SEZ6L: variants seen among roughly 807,000 people sequenced by gnomAD.
The protein encoded by SEZ6L is seizure 6-like protein.
Under a neutral mutation model 106.2 loss-of-function variants are expected in SEZ6L, and 37 were observed. The observed-to-expected ratio is 0.35, with a 90% CI of 0.27 to 0.46. The LOEUF (loss-of-function observed/expected upper bound fraction) is 0.46. Ranked by LOEUF, SEZ6L falls within the 20% of genes least tolerant of loss-of-function variation. The probability of loss-of-function intolerance (pLI) is 1.00; values close to 1 mark genes in which losing one functional copy is unlikely to be tolerated. For missense variants in SEZ6L, 1,172 were observed against 1,332.8 expected (o/e 0.88, Z 1.88); for synonymous variants, 541 against 570.4 (o/e 0.95, Z 0.73).
rs930406520 is a variant in SEZ6L at position 26,293,287 on chromosome 22, G to T, written c.835+141G>T. On this transcript the variant is annotated intron_variant, in intron 2 of 16. Transcript: ENST00000248933. Reference sequence around the variant, plus strand: ...CCATTGAGCACTGACTATGAGCTTCGCCCTGTGGCTCAGAATTAATAGCCT... The same window carrying T: ...CCATTGAGCACTGACTATGAGCTTCTCCCTGTGGCTCAGAATTAATAGCCT... The T allele has an allele frequency of 8.1e-6, 10 of 1,238,560 alleles. No homozygotes were observed. In the Admixed American group the frequency reaches 1.3e-4, roughly 16 times the overall value. 76.7% of individuals were successfully genotyped at this position (1,238,560 alleles called of 1,614,324 possible).
intron 13 of SEZ6L, among the ~76,000 whole-genome samples, chr22:26,370,339 C>A (rs1298195630): frequency 6.6e-6 from 1 of 151,816 alleles, no homozygotes; most frequent in East Asian, 1.9e-4. Flanking sequence ...GAGCTGAGAT[C>A]GAGCCACTGC....
chr22:26,252,030 G>A (rs572987761), intron 1 of SEZ6L, among the ~76,000 whole-genome samples: 3 of 152,204 alleles, frequency 2.0e-5, no homozygotes, highest in South Asian at 4.2e-4. Context: ...CAGGAGCAGC[G>A]GCGGCAGCAG....
chr22:26,336,810 T>C (rs1057132745), intron 9 of SEZ6L, among the ~76,000 whole-genome samples: 1 of 152,156 alleles, frequency 6.6e-6, no homozygotes, highest in Non-Finnish European at 1.5e-5. Context: ...AGGAAAAATA[T>C]GTTTCCAGAC....
chr22:26,240,177 T>C (rs1477050955), intron 1 of SEZ6L, among the ~76,000 whole-genome samples: 4 of 151,872 alleles, frequency 2.6e-5, no homozygotes, highest in Non-Finnish European at 4.4e-5. Flanking sequence ...ATACATCTGG[T>C]AGACCCCCAC....
intron 9 of SEZ6L, among the ~76,000 whole-genome samples, chr22:26,316,504 T>C (rs1311832850): frequency 1.3e-5 from 2 of 151,478 alleles, no homozygotes; most frequent in Admixed American, 6.6e-5. Context: ...TATAATAGCA[T>C]GAAAGAGAAG....
chr22:26,170,524 G>A (rs954837975), intron 1 of SEZ6L, among the ~76,000 whole-genome samples: 2 of 152,116 alleles, frequency 1.3e-5, no homozygotes, highest in African/African-American at 4.8e-5. Context: ...GTTTGTTGAA[G>A]GGGAAGAGGG....
intron 2 of SEZ6L, among the ~76,000 whole-genome samples, chr22:26,293,833 C>T (rs925259044): frequency 5.3e-5 from 8 of 152,236 alleles, no homozygotes; most frequent in African/African-American, 1.9e-4. Flanking sequence ...AAATGCTCTT[C>T]TGTGTTCCAG....
chr22:26,208,018 TC>T (rs1196992108), intron 1 of SEZ6L, among the ~76,000 whole-genome samples: 2 of 151,804 alleles, frequency 1.3e-5, no homozygotes, highest in Admixed American at 6.6e-5. Flanking sequence ...CACGCCATTC[TC>T]CTGCCTCAGC....
At chr22:26,184,222 C>G (rs1347393708) in intron 1 of SEZ6L, among the ~76,000 whole-genome samples, 1 of 152,128 alleles carries the variant, frequency 6.6e-6, no homozygotes, top group Non-Finnish European at 1.5e-5. Flanking sequence ...GGTGTCTTTG[C>G]TATGATTGAA....
intron 11 of SEZ6L, among the ~76,000 whole-genome samples, chr22:26,348,648 A>AAAGAAAG (rs1569473651): frequency 1.6e-4 from 3 of 18,594 alleles, no homozygotes; most frequent in African/African-American, 4.8e-4. Context: ...AAGAAAGAAA[A>AAAGAAAG]AGAAAGAAAG....
At chr22:26,316,007 A>G (rs535258765) in intron 9 of SEZ6L, among the ~76,000 whole-genome samples, 2 of 152,180 alleles carry the variant, frequency 1.3e-5, no homozygotes, top group East Asian at 3.9e-4. Flanking sequence ...GTGAGCCATG[A>G]TTGCACCACT....
chr22:26,196,238 C>T (rs1940572056), intron 1 of SEZ6L, among the ~76,000 whole-genome samples: 1 of 152,166 alleles, frequency 6.6e-6, no homozygotes, highest in African/African-American at 2.4e-5. Flanking sequence ...GTAAGATGTG[C>T]CTGCTTCCCC....
chr22:26,242,425 C>T (rs889688988), intron 1 of SEZ6L, among the ~76,000 whole-genome samples: 2 of 152,144 alleles, frequency 1.3e-5, no homozygotes, highest in East Asian at 1.9e-4. Flanking sequence ...TTTGGAAAAT[C>T]GGGATAATGA....
chr22:26,379,362 G>A (rs2084338231), intron 16 of SEZ6L, among the ~76,000 whole-genome samples: 1 of 152,220 alleles, frequency 6.6e-6, no homozygotes, highest in Admixed American at 6.5e-5. Flanking sequence ...CAAGTCACAG[G>A]CTTTACCCAC....
chr22:26,351,176 T>G lies in SEZ6L; in HGVS notation c.2532T>G (p.Ser844=). 3 of 1,614,214 alleles carry G rather than the reference T, an allele frequency of 1.9e-6. No homozygotes were observed. The highest frequency in any genetic ancestry group is 2.5e-6 in the Non-Finnish European group (3 of 1,180,050). The change falls in exon 12 of 17, where the codon TCT becomes TCG. Residue 844 remains serine (S), a synonymous_variant. Coordinates refer to ENST00000248933, the MANE Select transcript of SEZ6L (RefSeq NM_021115.5). ...CNPGFVLEGS[S]LLTCYSRETG... is the part of the protein sequence containing the mutation. ...CCGGTTTTGTGCTTGAAGGGAGTTC[T>G]CTTCTGACCTGCTACAGCCGTGAAA...
chr22:26,361,143 G>T (rs2083609374), intron 12 of SEZ6L, among the ~76,000 whole-genome samples: 1 of 152,098 alleles, frequency 6.6e-6, no homozygotes, highest in Admixed American at 6.6e-5. Flanking sequence ...ATTATTTAGA[G>T]TGAGGCTAAA....
chr22:26,355,575 C>G (rs2083413115), intron 12 of SEZ6L, among the ~76,000 whole-genome samples: 1 of 152,120 alleles, frequency 6.6e-6, no homozygotes, highest in Admixed American at 6.5e-5. Flanking sequence ...ACTAAAAATA[C>G]AAAAATTAGC....
At chr22:26,363,811 A>G (rs2083715907) in intron 12 of SEZ6L, among the ~76,000 whole-genome samples, 1 of 152,220 alleles carries the variant, frequency 6.6e-6, no homozygotes, top group Non-Finnish European at 1.5e-5. Context: ...ACACCTGCCT[A>G]CGATGGAATA....
chr22:26,316,292 G>A (rs1357943113), intron 9 of SEZ6L, among the ~76,000 whole-genome samples: 1 of 152,144 alleles, frequency 6.6e-6, no homozygotes, highest in East Asian at 1.9e-4. Context: ...TAACTCTAGG[G>A]AAAAAATTAT....
Sources: gnomAD v4.1 joint callset for allele counts (sites outside exome capture counted in the v4.1 genomes callset) on GRCh38, gnomAD v4.1.1 for gene constraint, MANE v1.5 for transcripts, NCBI Gene and HGNC (gene_info 2026-07-23, HGNC 2026-07-21) for gene names.